Variants in MLC1 observed in about 807,000 individuals in gnomAD.
The protein encoded by MLC1 is membrane protein MLC1.
MLC1 carries 32 observed loss-of-function variants against 44.7 expected under a neutral mutation model. The ratio of observed to expected loss-of-function variants is 0.72; its 90% CI spans 0.54 to 0.96. MLC1 has a LOEUF of 0.96. Ranked by LOEUF, MLC1 falls within the 40% of genes least tolerant of loss-of-function variation. The pLI, the probability that MLC1 is intolerant of heterozygous loss-of-function variation, is 0.00. For synonymous variants in MLC1, 190 were observed against 213.0 expected (o/e 0.89, Z 0.94); for missense variants, 459 against 492.2 (o/e 0.93, Z 0.64).
chr22:50,067,953 AAAAAAAAAACAAAAAAAC>A (rs1218851805), intron 10 of MLC1, among the ~76,000 whole-genome samples: 1 of 143,466 alleles, frequency 7.0e-6, no homozygotes, highest in Non-Finnish European at 1.5e-5. Flanking sequence ...TTATACTGGA[AAAAAAAAAACAAAAAAAC>A]AAAAAAACAC....
In MLC1 at chr22:50,068,872, G is replaced by A. The variant is rs191868824; in HGVS notation, c.772-317C>T. Among the ~76,000 whole-genome samples, 1,083 of 151,306 alleles carry A rather than the reference G, an allele frequency of 7.2e-3. 12 individuals are homozygous for A. Among genetic ancestry groups the A allele is most frequent in the African/African-American group, 0.025 (1,018 of 41,240 alleles). On this transcript the variant is annotated intron_variant, in intron 9 of 11. Coordinates refer to ENST00000311597, the MANE Select transcript of MLC1 (RefSeq NM_015166.4). ...CTCCCGAGTAGCTGGGATTACAGGC[G>A]CCCGCCACCACACCCAGCTAATTTT...
At position 50,068,751 on chromosome 22, in the gene MLC1, C is replaced by T. The variant is rs1465147824; in HGVS notation, c.772-196G>A. ...TTTTTTTTTTTTTTTTTTTTTGAGA[C>T]AAGTCTCGCTGTGTCGCCAGGCTGG... On this transcript the variant is annotated intron_variant, in intron 9 of 11. Transcript: ENST00000311597. Among the ~76,000 whole-genome samples the T allele has an allele frequency of 7.1e-5, 8 of 113,090 alleles. No individual in the cohort carries two copies. The East Asian group carries it at 1.7e-3, about 24-fold the overall frequency. The allele number at this position is 113,090 out of a possible 152,430, so 74.2% of individuals were successfully genotyped here. A position where few individuals can be genotyped will look rare whatever the true frequency, so the allele number is the denominator to read the frequency against.
chr22:50,084,790 T>C lies in MLC1; in HGVS notation c.113A>G (p.Gln38Arg). 6.2e-7 allele frequency: 1 copy of C among 1,614,150 alleles called. No individual in the cohort carries two copies. Among genetic ancestry groups the C allele is most frequent in the South Asian group, 1.1e-5 (1 of 91,084 alleles). ...GCAGGGGGGCAGTCTCTTCGACAGC[T>C]GCAGGTCGCTCGGCTTCGCGTCTGG... is the stretch of plus-strand genomic sequence containing the variant. ...YAPDAKPSDL[Q>R]LSKRLPPCFS... Residue 38 changes from glutamine to arginine, a missense_variant, in exon 2 of 12, where the codon CAG (glutamine) becomes CGG (arginine). Transcript: ENST00000311597.
chr22:50,084,938 A>G lies in MLC1; in HGVS notation c.-36T>C. 6.2e-7 allele frequency: 1 copy of G among 1,606,704 alleles called. No individual in the cohort carries two copies. The highest frequency in any genetic ancestry group is 1.1e-5 in the South Asian group (1 of 90,962). On this transcript the variant is annotated 5_prime_UTR_variant, in exon 2 of 12. Transcript: ENST00000311597. The stretch of plus-strand genomic sequence containing the variant: ...GACACCACAGCTGTGCTGAATGTAC[A>G]GCCACGTGTCACCAGTTCTTTATCT...
intron 3 of MLC1, among the ~76,000 whole-genome samples, chr22:50,082,124 C>T (rs537188655): frequency 3.3e-4 from 50 of 152,126 alleles, no homozygotes; most frequent in Middle Eastern, 3.4e-3. Flanking sequence ...CATGTGGAAG[C>T]GAGAGGAGGG....
chr22:50,075,285 T>G (rs5771150), intron 7 of MLC1, among the ~76,000 whole-genome samples: 101,820 of 148,754 alleles, frequency 0.68, 36,021 homozygotes, highest in African/African-American at 0.82. Context: ...TCTCTGTGAG[T>G]CGCAAACACA....
intron 8 of MLC1, among the ~76,000 whole-genome samples, chr22:50,071,793 G>A (rs1462747381): frequency 6.6e-6 from 1 of 152,212 alleles, no homozygotes; most frequent in Non-Finnish European, 1.5e-5. Context: ...CACAATGTAG[G>A]CAGAGGGAGG....
chr22:50,070,344 C>T (rs948303376), intron 9 of MLC1, among the ~76,000 whole-genome samples, 183 bp downstream of exon 9: 5 of 152,246 alleles, frequency 3.3e-5, no homozygotes. Context: ...TGAGAACAGT[C>T]CCTGCTGAGC....
intron 3 of MLC1, among the ~76,000 whole-genome samples, chr22:50,082,475 G>A (rs1253730941): frequency 6.6e-6 from 1 of 152,226 alleles, no homozygotes; most frequent in Non-Finnish European, 1.5e-5. Flanking sequence ...AGGATGTGGG[G>A]CACAGGTCCC....
intron 8 of MLC1, among the ~76,000 whole-genome samples, chr22:50,071,288 C>T (rs1297381945): frequency 6.6e-6 from 1 of 152,102 alleles, no homozygotes; most frequent in African/African-American, 2.4e-5. Flanking sequence ...GACGGGGTTT[C>T]GCCTTGTTGG....
At position 50,080,163 on chromosome 22, in the gene MLC1, C is replaced by A. The variant is rs1261983132; in HGVS notation, c.322-144G>T. The A allele has an allele frequency of 1.4e-5, 15 of 1,065,966 alleles. 1 individual carries two copies. The Admixed American group carries it at 2.6e-4, about 18-fold the overall frequency. The allele number at this position is 1,065,966 out of a possible 1,614,324, so 66.0% of individuals were successfully genotyped here. A position where few individuals can be genotyped will look rare whatever the true frequency, so the allele number is the denominator to read the frequency against. On this transcript the variant is annotated intron_variant, in intron 4 of 11. Transcript: ENST00000311597. ...GAGTCCTGCGTGCTCAGCCCGCTCTCCCCTCTGTGCGGCAAAGGCTGGGCT... is the reference window on the plus strand; with the variant it reads ...GAGTCCTGCGTGCTCAGCCCGCTCTACCCTCTGTGCGGCAAAGGCTGGGCT...
In MLC1 at chr22:50,083,511, C is replaced by G. The variant is rs982070296; in HGVS notation, c.178-338G>C. ...AATACTCCTGCCCCAACATGTTGTG[C>G]GTGCAGTCTTCCAGATCCCACACCC... On this transcript the variant is annotated intron_variant, in intron 2 of 11. Transcript: ENST00000311597. The surrounding 1 kb of genome is among the most constrained non-coding windows in gnomAD (Gnocchi z 4.6). Among the ~76,000 whole-genome samples, 3 of 152,196 alleles carry G rather than the reference C, an allele frequency of 2.0e-5. No homozygotes were observed. The highest frequency in any genetic ancestry group is 6.5e-5 in the Admixed American group (1 of 15,286).
intron 10 of MLC1, 147 bp downstream of exon 10, chr22:50,068,286 A>G: frequency 8.3e-7 from 1 of 1,202,976 alleles, no homozygotes; most frequent in South Asian, 1.3e-5. Context: ...GAGCACGGTC[A>G]CCGCTGCCCA....
chr22:50,084,556 T>C (rs1245799323), intron 2 of MLC1, among the ~76,000 whole-genome samples, 170 bp downstream of exon 2: 1 of 152,214 alleles, frequency 6.6e-6, no homozygotes, highest in East Asian at 1.9e-4. Context: ...TAAAAATAAT[T>C]GTGAAAACAC....
chr22:50,081,893 C>T (rs899746534), intron 3 of MLC1, among the ~76,000 whole-genome samples: 1 of 152,246 alleles, frequency 6.6e-6, no homozygotes, highest in East Asian at 1.9e-4. Flanking sequence ...GGGACAAGGG[C>T]GGCTCCCATG....
At chr22:50,068,691 CT>C in intron 9 of MLC1, 136 bp from the exon 10 acceptor site, 1 of 886,834 alleles carries the variant, frequency 1.1e-6, no homozygotes, top group Non-Finnish European at 1.8e-6. Context: ...TGCATGACTC[CT>C]GCTGAAACCT....
rs187096547 is a variant in MLC1 at position 50,074,065 on chromosome 22, C to G, written c.714+151G>C. ...ATACTTTGACTCATTTAATCCTTAA[C>G]TCCCCAGTTCTTCTGAAGTTGGGGG... On this transcript the variant is annotated intron_variant, in intron 8 of 11. Coordinates refer to ENST00000311597, the MANE Select transcript of MLC1 (RefSeq NM_015166.4). 1.8e-4 allele frequency: 123 copies of G among 670,004 alleles called. No homozygotes were observed. In the East Asian group the frequency reaches 3.3e-3, roughly 18 times the overall value. 41.5% of individuals were successfully genotyped at this position (670,004 alleles called of 1,614,324 possible).
intron 8 of MLC1, among the ~76,000 whole-genome samples, chr22:50,071,294 G>T (rs933837735): frequency 6.6e-6 from 1 of 152,108 alleles, no homozygotes; most frequent in African/African-American, 2.4e-5. Context: ...GTTTCGCCTT[G>T]TTGGCCAGGC....
chr22:50,080,107 A>G, intron 4 of MLC1, 88 bp from the exon 5 acceptor site: 1 of 1,153,444 alleles, frequency 8.7e-7, no homozygotes, highest in Non-Finnish European at 1.3e-6. Flanking sequence ...CCATTCACTA[A>G]AAATTATCCT....
Sources: allele counts gnomAD v4.1 joint callset (sites outside exome capture counted in the v4.1 genomes callset), GRCh38; gene constraint gnomAD v4.1.1; non-coding constraint Gnocchi (gnomAD v3.1); transcripts MANE v1.5; gene names NCBI Gene and HGNC (gene_info 2026-07-23, HGNC 2026-07-21).